Variants in LRRIQ3 observed in about 807,000 individuals in gnomAD.
LRRIQ3 encodes the protein leucine rich repeats and IQ motif containing 3.
In LRRIQ3, 75 loss-of-function variants were observed where a neutral mutation model predicts 59.3. The observed-to-expected ratio is 1.26, with a 90% CI of 1.05 to 1.53. The LOEUF is 1.53. Ranked by LOEUF, LRRIQ3 falls within the 40% of genes most tolerant of loss-of-function variation. LRRIQ3 has a pLI of 0.00. For missense variants in LRRIQ3, 831 were observed against 710.0 expected (o/e 1.17, Z -1.94); for synonymous variants, 250 against 231.3 (o/e 1.08, Z -0.73).
At chr1:74,135,892 T>C (rs1401527849) in intron 4 of LRRIQ3, among the ~76,000 whole-genome samples, 1 of 151,566 alleles carries the variant, frequency 6.6e-6, no homozygotes, top group East Asian at 1.9e-4. Flanking sequence ...AAGGAATAAA[T>C]ATGAGAGAGG....
chr1:74,098,682 A>G (rs552057989), intron 5 of LRRIQ3, among the ~76,000 whole-genome samples: 106 of 152,192 alleles, frequency 7.0e-4, no homozygotes, highest in Non-Finnish European at 1.2e-3. Flanking sequence ...AATGTAAAAG[A>G]ACAGAAATTA....
At chr1:74,149,497 C>T (rs751993755) in intron 4 of LRRIQ3, among the ~76,000 whole-genome samples, 1 of 152,104 alleles carries the variant, frequency 6.6e-6, no homozygotes, top group Non-Finnish European at 1.5e-5. Context: ...TGTAGACTTA[C>T]AGCAATGTGC....
chr1:74,165,554 T>C (rs1318587263), intron 3 of LRRIQ3, among the ~76,000 whole-genome samples: 1 of 151,568 alleles, frequency 6.6e-6, no homozygotes, highest in Non-Finnish European at 1.5e-5. Flanking sequence ...TTTCCTCTTT[T>C]CCAATTTCTT....
intron 4 of LRRIQ3, among the ~76,000 whole-genome samples, chr1:74,124,658 C>T (rs1224355292): frequency 6.6e-6 from 1 of 151,904 alleles, no homozygotes; most frequent in Non-Finnish European, 1.5e-5. Flanking sequence ...TATCAAAAAT[C>T]AGTTCACTGT....
intron 4 of LRRIQ3, among the ~76,000 whole-genome samples, chr1:74,151,037 T>G (rs1647904451): frequency 1.1e-5 from 1 of 88,212 alleles, no homozygotes; most frequent in African/African-American, 3.7e-5. Flanking sequence ...TTTTTTTTTT[T>G]AGATGGAGTC....
chr1:74,057,055 C>A (rs965782436), intron 6 of LRRIQ3, among the ~76,000 whole-genome samples: 2 of 152,142 alleles, frequency 1.3e-5, no homozygotes, highest in South Asian at 4.1e-4. Context: ...CCCAGCCATG[C>A]AGAACTGTGA....
chr1:74,185,015 C>T lies in LRRIQ3; in HGVS notation c.1-1331G>A, dbSNP rs117899556. Reference sequence around the variant, plus strand: ...TTTAAAGTACTGAATAACATTCCATCGCATGGATGCACTATGGTTTGGTTT... The same window carrying T: ...TTTAAAGTACTGAATAACATTCCATTGCATGGATGCACTATGGTTTGGTTT... On this transcript the variant is annotated intron_variant, in intron 1 of 7. Coordinates refer to ENST00000354431, the MANE Select transcript of LRRIQ3 (RefSeq NM_001105659.2). 8.1e-4 allele frequency among the ~76,000 whole-genome samples: 123 copies of T among 152,212 alleles called. No individual in the cohort carries two copies. In the East Asian group the frequency reaches 0.015, roughly 19 times the overall value.
chr1:74,116,785 A>C (rs1246776735), intron 4 of LRRIQ3, among the ~76,000 whole-genome samples: 2 of 152,092 alleles, frequency 1.3e-5, no homozygotes, highest in Admixed American at 6.6e-5. Flanking sequence ...ATATTAATGA[A>C]AAAATTTAAG....
chr1:74,041,174 TTGACTTTAA>T (rs1487494968), intron 7 of LRRIQ3, 30 bp downstream of exon 7: 5 of 1,433,894 alleles, frequency 3.5e-6, no homozygotes, highest in Admixed American at 4.5e-5. Flanking sequence ...TCACATGTAA[TTGACTTTAA>T]TGCCTCTGTT....
At chr1:74,031,643 A>G (rs906149624) in intron 7 of LRRIQ3, among the ~76,000 whole-genome samples, 2 of 151,848 alleles carry the variant, frequency 1.3e-5, no homozygotes, top group East Asian at 3.9e-4. Context: ...GGATAGCATT[A>G]GGAGATATAC....
chr1:74,030,102 T>C (rs1360964165), intron 7 of LRRIQ3, among the ~76,000 whole-genome samples: 2 of 152,068 alleles, frequency 1.3e-5, no homozygotes, highest in Non-Finnish European at 2.9e-5. Flanking sequence ...TACAAACCAC[T>C]GCTCAACAAA....
chr1:74,104,095 G>A (rs1646574362), intron 5 of LRRIQ3, among the ~76,000 whole-genome samples: 1 of 151,876 alleles, frequency 6.6e-6, no homozygotes, highest in African/African-American at 2.4e-5. Flanking sequence ...ATACATAGAT[G>A]GTAAGTAAGC....
At chr1:74,150,639 T>C (rs1380468356) in intron 4 of LRRIQ3, among the ~76,000 whole-genome samples, 1 of 152,120 alleles carries the variant, frequency 6.6e-6, no homozygotes, top group Non-Finnish European at 1.5e-5. Flanking sequence ...GGTTCCTACA[T>C]TAACATTACC....
At chr1:74,053,115 A>T (rs1350925133) in intron 6 of LRRIQ3, among the ~76,000 whole-genome samples, 2 of 151,950 alleles carry the variant, frequency 1.3e-5, no homozygotes, top group African/African-American at 4.8e-5. Flanking sequence ...AGCAAAGGCA[A>T]AACAATGAAG....
chr1:74,119,976 T>C (rs1173412411), intron 4 of LRRIQ3, among the ~76,000 whole-genome samples: 1 of 152,176 alleles, frequency 6.6e-6, no homozygotes, highest in Non-Finnish European at 1.5e-5. Flanking sequence ...AAATCACTTA[T>C]GTTTAAACAT....
chr1:74,131,008 A>G (rs113382273), intron 4 of LRRIQ3, among the ~76,000 whole-genome samples: 10 of 152,180 alleles, frequency 6.6e-5, no homozygotes, highest in African/African-American at 2.2e-4. Flanking sequence ...GAAGAAAAGA[A>G]AGAAGAATCA....
At chr1:74,051,502 G>A (rs931497238) in intron 6 of LRRIQ3, among the ~76,000 whole-genome samples, 14 of 152,042 alleles carry the variant, frequency 9.2e-5, no homozygotes, top group Admixed American at 5.3e-4. Flanking sequence ...CCATATTAGT[G>A]GTATATTAAA....
rs536591729 is a variant in LRRIQ3, at chr1:74,173,166, G to A, written c.573+9372C>T. Among the ~76,000 whole-genome samples the A allele has an allele frequency of 1.2e-4, 18 of 151,798 alleles. No homozygotes were observed. In the South Asian group the frequency reaches 1.2e-3, roughly 11 times the overall value. ...CAAAAAATCAGCTGGGCGTGGTAGCGGGCACCTATAGTTCCAGCTACTTGG... is the reference window on the plus strand; with the variant it reads ...CAAAAAATCAGCTGGGCGTGGTAGCAGGCACCTATAGTTCCAGCTACTTGG... On this transcript the variant is annotated intron_variant, in intron 3 of 7. Coordinates refer to ENST00000354431, the MANE Select transcript of LRRIQ3 (RefSeq NM_001105659.2).
chr1:74,090,724 A>G (rs1221959640), intron 5 of LRRIQ3, among the ~76,000 whole-genome samples: 1 of 151,704 alleles, frequency 6.6e-6, no homozygotes, highest in South Asian at 2.1e-4. Context: ...CTAAAAAAAA[A>G]GTATAATAAT....
Sources: gnomAD v4.1 joint callset for allele counts (sites outside exome capture counted in the v4.1 genomes callset) on GRCh38, gnomAD v4.1.1 for gene constraint, MANE v1.5 for transcripts, NCBI Gene and HGNC (gene_info 2026-07-23, HGNC 2026-07-21) for gene names.